PDXDC1: variants seen among roughly 807,000 people sequenced by gnomAD.
PDXDC1 encodes pyridoxal-dependent decarboxylase domain-containing protein 1.
A neutral mutation model predicts 100.1 loss-of-function variants in PDXDC1; 42 were observed. The ratio of observed to expected loss-of-function variants is 0.42; its 90% confidence interval spans 0.33 to 0.54. The LOEUF is 0.54. Among genes scored for constraint, PDXDC1 ranks in the 20% least tolerant of loss-of-function variants. PDXDC1 has a pLI of 0.10. For synonymous variants in PDXDC1, 260 were observed against 371.7 expected (o/e 0.70, Z 3.46); for missense variants, 636 against 979.2 (o/e 0.65, Z 4.68).
downstream of PDXDC1, among the ~76,000 whole-genome samples, chr16:15,141,201 C>T (rs939344901): frequency 2.0e-5 from 3 of 152,246 alleles, no homozygotes; most frequent in Non-Finnish European, 4.4e-5. Context: ...CGGAGCTCCG[C>T]TCCCGCAGCA....
chr16:15,099,489 A>G (rs1306120617), intron 16 of PDXDC1, among the ~76,000 whole-genome samples: 1 of 151,400 alleles, frequency 6.6e-6, no homozygotes, highest in Non-Finnish European at 1.5e-5. Context: ...TTTCTGTTGT[A>G]ATTCTTTGAC....
rs553298836 is a variant in PDXDC1, at chr16:15,135,942, C to T, written c.1400-2937C>T. 5,449 of 1,577,232 alleles carry T rather than the reference C, an allele frequency of 3.5e-3. 24 individuals are homozygous for T. The highest frequency in any genetic ancestry group is 4.0e-3 in the Non-Finnish European group (4,611 of 1,161,980). Reference sequence around the variant, plus strand: ...AGCTGAGGCCGGCTCACGTCCACGCCGGGCAGGGCCACACGCGCCGGGCAC... The same window carrying T: ...AGCTGAGGCCGGCTCACGTCCACGCTGGGCAGGGCCACACGCGCCGGGCAC... On this transcript the variant is annotated intron_variant, in intron 16 of 16. Transcript: ENST00000535621.
In PDXDC1 at chr16:14,989,581, C is replaced by T; in HGVS notation, c.22-8172C>T. On this transcript the variant is annotated intron_variant, in intron 1 of 22. Transcript: ENST00000396410. The stretch of plus-strand genomic sequence containing the variant: ...TAGACGTGGGGTCGGCCCCTGTGCG[C>T]CAGAAAGCCCTCTTGCAGCAGCACG... 4.3e-6 allele frequency: 7 copies of T among 1,610,998 alleles called. No homozygotes were observed. In the Admixed American group the frequency reaches 5.0e-5, roughly 12 times the overall value.
At chr16:15,145,082 G>A in the PDXDC1 span, among the ~76,000 whole-genome samples, 1 of 152,178 alleles carries the variant, frequency 6.6e-6, no homozygotes, top group Non-Finnish European at 1.5e-5. Context: ...GGCTCAAGAG[G>A]CCCTCCTCCT....
chr16:15,012,643 G>A (rs566205698), intron 8 of PDXDC1, among the ~76,000 whole-genome samples: 5 of 152,378 alleles, frequency 3.3e-5, no homozygotes, highest in African/African-American at 9.6e-5. Flanking sequence ...TCAGGTGTTC[G>A]AGACCAGCCT....
chr16:15,044,394 G>A (rs2043957749), intron 16 of PDXDC1: 1 of 1,612,712 alleles, frequency 6.2e-7, no homozygotes, highest in South Asian at 1.1e-5. Flanking sequence ...CCTCCAACAA[G>A]GTGTACTTCC....
chr16:15,037,118 T>TTTGACCTGTCTC lies in PDXDC1; in HGVS notation c.*844_*855dup, dbSNP rs1456837128. ...GTTAAAATCTGAAAACAAGTACCCC[T>TTTGACCTGTCTC]TTGACCTGTCTCCCACTGAAGCTTC... is the stretch of plus-strand genomic sequence containing the variant. On this transcript the variant is annotated 3_prime_UTR_variant, in exon 23 of 23. Coordinates refer to ENST00000396410, the MANE Select transcript of PDXDC1 (RefSeq NM_015027.4). The TTTGACCTGTCTC allele has an allele frequency of 6.6e-6, 1 of 152,210 alleles. No individual in the cohort carries two copies. The highest frequency in any genetic ancestry group is 2.4e-5 in the African/African-American group (1 of 41,456). 9.4% of individuals were successfully genotyped at this position (152,210 alleles called of 1,614,324 possible). A position where few individuals can be genotyped will look rare whatever the true frequency, so the allele number is the denominator to read the frequency against.
chr16:15,066,092 G>T (rs2044957668), intron 16 of PDXDC1, among the ~76,000 whole-genome samples: 1 of 152,180 alleles, frequency 6.6e-6, no homozygotes, highest in Non-Finnish European at 1.5e-5. Flanking sequence ...CTCCATCTCA[G>T]GTTCTCAGGT....
At chr16:15,089,786 C>CAAAAAAAAAAAAA (rs142235345) in intron 16 of PDXDC1, among the ~76,000 whole-genome samples, 2 of 66,580 alleles carry the variant, frequency 3.0e-5, no homozygotes, top group African/African-American at 7.0e-5. Context: ...GGCGACAGAG[C>CAAAAAAAAAAAAA]AAAAAAAAAA....
At chr16:15,074,973 G>C in intron 16 of PDXDC1, 1 of 1,130,062 alleles carries the variant, frequency 8.8e-7, no homozygotes, top group Non-Finnish European at 1.2e-6. Flanking sequence ...AAAGAGGCTG[G>C]GGAAAGCGGC....
intron 16 of PDXDC1, chr16:15,125,776 C>G (rs1276782145): frequency 1.3e-6 from 2 of 1,507,342 alleles, no homozygotes; most frequent in Non-Finnish European, 1.8e-6. Flanking sequence ...CACCTGCTGC[C>G]CGGCAGGTGT....
At chr16:15,016,670 T>C (rs2041819809) in intron 9 of PDXDC1, among the ~76,000 whole-genome samples, 1 of 152,284 alleles carries the variant, frequency 6.6e-6, no homozygotes, top group Non-Finnish European at 1.5e-5. Context: ...CTGGAGCAGA[T>C]AGTGGTGTCT....
At chr16:15,031,630 G>A in intron 16 of PDXDC1, 105 bp from the exon 17 acceptor site, 1 of 906,878 alleles carries the variant, frequency 1.1e-6, no homozygotes, top group Admixed American at 2.3e-5. Flanking sequence ...CCCGGTAACT[G>A]GAGTACCTCG....
chr16:14,986,979 T>C (rs1469693799), intron 1 of PDXDC1, among the ~76,000 whole-genome samples: 1 of 152,294 alleles, frequency 6.6e-6, no homozygotes, highest in Non-Finnish European at 1.5e-5. Context: ...ACTCTTGACA[T>C]TGGGTGATCT....
intron 1 of PDXDC1, chr16:14,996,480 A>G (rs1485574236): frequency 4.9e-6 from 1 of 204,350 alleles, no homozygotes. Context: ...AACACAACTC[A>G]TACTACATAG....
At chr16:15,048,075 G>A (rs1272411895) in intron 16 of PDXDC1, 1 of 1,608,596 alleles carries the variant, frequency 6.2e-7, no homozygotes, top group South Asian at 1.1e-5. Context: ...TGAACAGACT[G>A]ACCTCTGAGA....
intron 13 of PDXDC1, among the ~76,000 whole-genome samples, chr16:15,023,266 A>G (rs1405751442): frequency 1.3e-5 from 2 of 152,284 alleles, no homozygotes; most frequent in Non-Finnish European, 2.9e-5. Flanking sequence ...AGGCATAACT[A>G]GACAAGGAAA....
the PDXDC1 span, among the ~76,000 whole-genome samples, chr16:15,149,932 C>T: frequency 1.7e-4 from 26 of 152,152 alleles, no homozygotes; most frequent in Non-Finnish European, 2.9e-5. Context: ...CACAGCACCA[C>T]GGAGGAGACA....
chr16:15,146,510 G>A, the PDXDC1 span, among the ~76,000 whole-genome samples: 2 of 152,100 alleles, frequency 1.3e-5, no homozygotes, highest in African/African-American at 4.8e-5. Context: ...GCGTCAAAAG[G>A]CACCAATGGG....
Sources: gnomAD v4.1 joint callset for allele counts (sites outside exome capture counted in the v4.1 genomes callset) on GRCh38, gnomAD v4.1.1 for gene constraint, MANE v1.5 for transcripts, NCBI Gene and HGNC (gene_info 2026-07-23, HGNC 2026-07-21) for gene names.